Variants in TSHZ3 observed in about 807,000 individuals in gnomAD.
TSHZ3 encodes the protein teashirt homolog 3.
TSHZ3 carries 10 observed loss-of-function variants against 64.5 expected under a neutral mutation model. The observed-to-expected ratio is 0.16, with a 90% CI of 0.10 to 0.26. TSHZ3 has a LOEUF of 0.26. Among genes scored for constraint, TSHZ3 ranks in the 10% least tolerant of loss-of-function variants. The probability of loss-of-function intolerance (pLI) is 1.00; values close to 1 mark genes in which losing one functional copy is unlikely to be tolerated. For missense variants in TSHZ3, 1,242 were observed against 1,421.7 expected, an observed-to-expected ratio of 0.87 and a Z score of 2.03; for synonymous variants, 608 against 593.1, an observed-to-expected ratio of 1.03 and a Z score of -0.36.
chr19:31,214,940 G>A (rs1164976393), intron 4 of TSHZ3, among the ~76,000 whole-genome samples: 1 of 148,272 alleles, frequency 6.7e-6, no homozygotes, highest in South Asian at 2.1e-4. Context: ...AAAGAACCGA[G>A]CATTCAACCC....
At chr19:31,274,866 A>T (rs985566897), downstream of TSHZ3, 1 of 152,214 alleles carries the variant, frequency 6.6e-6, no homozygotes, top group Non-Finnish European at 1.5e-5. Flanking sequence ...TCCGTCATAA[A>T]CAGATCGCAT....
In TSHZ3 at chr19:31,276,770, T is replaced by C. The variant is rs761972461; in HGVS notation, c.3023A>G (p.Lys1008Arg). The C allele has an allele frequency of 1.4e-5, 22 of 1,613,806 alleles. No homozygotes were observed. The highest frequency in any genetic ancestry group is 1.7e-5 in the Non-Finnish European group (20 of 1,179,822). ...HLGFRLRDLS[K>R]LSTEQINSQI... ...ACTGTTAATCTGTTCGGTGGACAGT[T>C]TGGATAAGTCCCGTAGCCGGAAGCC... is the stretch of plus-strand genomic sequence containing the variant. Residue 1008 changes from lysine (K) to arginine (R), a missense_variant, in exon 2 of 2, where the codon AAA becomes AGA. Lys to Arg is a conservative substitution (Grantham distance 26). Coordinates refer to ENST00000240587, the MANE Select transcript of TSHZ3 (RefSeq NM_020856.4).
chr19:31,296,148 T>C (rs867131902), intron 1 of TSHZ3, among the ~76,000 whole-genome samples: 2 of 151,638 alleles, frequency 1.3e-5, no homozygotes, highest in African/African-American at 4.9e-5. Context: ...TGTGTGATTG[T>C]ATGTGGGCAC....
chr19:31,302,898 G>GGAA (rs1408817652), intron 1 of TSHZ3, among the ~76,000 whole-genome samples: 4 of 149,068 alleles, frequency 2.7e-5, no homozygotes, highest in Non-Finnish European at 5.9e-5. Flanking sequence ...CTTGCTTGGT[G>GGAA]GAAATAAGAT....
At chr19:31,258,766 G>C (rs775953393) in intron 1 of TSHZ3, among the ~76,000 whole-genome samples, 9 of 152,216 alleles carry the variant, frequency 5.9e-5, no homozygotes, top group Non-Finnish European at 1.3e-4. Flanking sequence ...GTCTCCCGGG[G>C]AGAAATGCAG....
chr19:31,238,988 A>G (rs1281593039), intron 3 of TSHZ3, among the ~76,000 whole-genome samples: 1 of 152,176 alleles, frequency 6.6e-6, no homozygotes, highest in Non-Finnish European at 1.5e-5. Context: ...TCTTTGATAA[A>G]TATTTTAGAT....
In TSHZ3 at chr19:31,225,352, C is replaced by T. The variant is rs958239707; in HGVS notation, n.686+2653G>A. On this transcript the variant is annotated intron_variant and non_coding_transcript_variant, in intron 4 of 6. Transcript: ENST00000651361. The stretch of plus-strand genomic sequence containing the variant: ...GATAAGCTGAATATATTTCCCCCAG[C>T]CTTGGCAGAGACGCTGCAATCCATA... Among the ~76,000 whole-genome samples, 3 of 152,298 alleles carry T rather than the reference C, an allele frequency of 2.0e-5. No individual in the cohort carries two copies. The South Asian group carries it at 6.2e-4, about 32-fold the overall frequency.
intron 1 of TSHZ3, among the ~76,000 whole-genome samples, chr19:31,334,805 G>A (rs1346906513): frequency 6.6e-6 from 1 of 152,158 alleles, no homozygotes; most frequent in Non-Finnish European, 1.5e-5. Context: ...AGAGACCTAT[G>A]TTTATGCCTG....
intron 1 of TSHZ3, among the ~76,000 whole-genome samples, chr19:31,292,517 T>C (rs1029857439): frequency 3.9e-5 from 6 of 152,106 alleles, no homozygotes; most frequent in Non-Finnish European, 7.4e-5. Flanking sequence ...TCCTCCAAAA[T>C]ACTAAAAGAG....
intron 5 of TSHZ3, among the ~76,000 whole-genome samples, chr19:31,197,393 A>C (rs1359410002): frequency 6.6e-6 from 1 of 151,702 alleles, no homozygotes; most frequent in East Asian, 1.9e-4. Context: ...CTAGGCTTCC[A>C]TTAGAGAAAA....
chr19:31,205,223 T>C (rs1329996614), intron 4 of TSHZ3, among the ~76,000 whole-genome samples: 1 of 152,178 alleles, frequency 6.6e-6, no homozygotes, highest in African/African-American at 2.4e-5. Context: ...GCCTTACACT[T>C]GTTACCTTAT....
At chr19:31,225,012 A>G (rs985108585) in intron 4 of TSHZ3, among the ~76,000 whole-genome samples, 45 of 152,224 alleles carry the variant, frequency 3.0e-4, no homozygotes, top group African/African-American at 9.9e-4. Context: ...GAACACTGCA[A>G]TGTGCTGGCT....
chr19:31,258,203 T>C (rs1268246311), intron 1 of TSHZ3, among the ~76,000 whole-genome samples: 2 of 152,110 alleles, frequency 1.3e-5, no homozygotes, highest in African/African-American at 4.8e-5. Context: ...CTGTCCATCA[T>C]TGGTTGGGAG....
chr19:31,206,936 AATATTGAG>A (rs1252124262), intron 4 of TSHZ3, among the ~76,000 whole-genome samples: 2 of 152,192 alleles, frequency 1.3e-5, no homozygotes, highest in Non-Finnish European at 2.9e-5. Flanking sequence ...TAGAAGAAAC[AATATTGAG>A]GAAAGTCCTA....
intron 5 of TSHZ3, among the ~76,000 whole-genome samples, chr19:31,168,435 T>C (rs1257414887): frequency 6.6e-6 from 1 of 152,218 alleles, no homozygotes; most frequent in Admixed American, 6.5e-5. Flanking sequence ...GTGCTCAAAA[T>C]GGCCAAGCTG....
chr19:31,301,134 G>A (rs1283091978), intron 1 of TSHZ3, among the ~76,000 whole-genome samples: 1 of 151,996 alleles, frequency 6.6e-6, no homozygotes, highest in East Asian at 1.9e-4. Context: ...GTGATGGTGA[G>A]ACAGGGAAGG....
At chr19:31,244,784 C>T (rs563070018) in intron 1 of TSHZ3, among the ~76,000 whole-genome samples, 1 of 152,138 alleles carries the variant, frequency 6.6e-6, no homozygotes, top group Non-Finnish European at 1.5e-5. Context: ...GCTGGGACTA[C>T]AGGCACATGC....
chr19:31,249,263 A>G (rs1191671257), intron 1 of TSHZ3, among the ~76,000 whole-genome samples: 1 of 152,192 alleles, frequency 6.6e-6, no homozygotes, highest in Non-Finnish European at 1.5e-5. Context: ...GAAGTAGGAA[A>G]AGCTAGGTGT....
chr19:31,181,171 A>G (rs1974708239), intron 5 of TSHZ3, among the ~76,000 whole-genome samples: 1 of 152,024 alleles, frequency 6.6e-6, no homozygotes, highest in Admixed American at 6.5e-5. Context: ...ATCAAGCAGA[A>G]CAGCACCAAC....
Sources: gnomAD v4.1 joint callset for allele counts (sites outside exome capture counted in the v4.1 genomes callset) on GRCh38, gnomAD v4.1.1 for gene constraint, MANE v1.5 for transcripts, NCBI Gene and HGNC (gene_info 2026-07-23, HGNC 2026-07-21) for gene names.